OLFM2: variants seen among roughly 807,000 people sequenced by gnomAD.
OLFM2 encodes the protein noelin-2.
A neutral mutation model predicts 43.9 loss-of-function variants in OLFM2; 20 were observed. The ratio of observed to expected loss-of-function variants is 0.46; its 90% CI spans 0.32 to 0.66. OLFM2 has a LOEUF of 0.66. OLFM2 is among the 30% of genes least tolerant of loss of function. The probability of loss-of-function intolerance (pLI) is 0.04; values close to 1 mark genes in which losing one functional copy is unlikely to be tolerated. For synonymous variants in OLFM2, 268 were observed against 278.6 expected, an observed-to-expected ratio of 0.96 and a Z score of 0.38; for missense variants, 416 against 643.6, an observed-to-expected ratio of 0.65 and a Z score of 3.83.
chr19:9,922,733 CA>C (rs1294542339), intron 1 of OLFM2, among the ~76,000 whole-genome samples: 1 of 151,554 alleles, frequency 6.6e-6, no homozygotes, highest in East Asian at 1.9e-4. Flanking sequence ...GCCTAGGCAA[CA>C]GGGCAAAACC....
intron 1 of OLFM2, among the ~76,000 whole-genome samples, chr19:9,888,348 C>T (rs892551203): frequency 6.6e-6 from 1 of 151,496 alleles, no homozygotes; most frequent in Middle Eastern, 3.4e-3. Flanking sequence ...CATGGTGAAA[C>T]CCCCGTCTCT....
chr19:9,922,743 C>T (rs2086428563), intron 1 of OLFM2, among the ~76,000 whole-genome samples: 1 of 151,340 alleles, frequency 6.6e-6, no homozygotes. Flanking sequence ...CAGGGCAAAA[C>T]CCCGTCTCTA....
intron 1 of OLFM2, among the ~76,000 whole-genome samples, chr19:9,890,045 G>C (rs1266114533): frequency 6.6e-6 from 1 of 152,054 alleles, no homozygotes; most frequent in Non-Finnish European, 1.5e-5. Context: ...AGGGTCCCCA[G>C]TGGCGCTGGG....
At position 9,854,636 on chromosome 19, in the gene OLFM2, C is replaced by CGA. The variant is rs2046299152; in HGVS notation, c.914_915insTC (p.Gly306ArgfsTer71). The stretch of plus-strand genomic sequence containing the variant: ...GGAAGGTGTTGTTGTAACCGGCGCC[C>CGA]GGGAGGCTCCTCTGCACCAGCACAG... On this transcript the variant is annotated frameshift_variant, in exon 6 of 6. Coordinates refer to ENST00000264833, the MANE Select transcript of OLFM2 (RefSeq NM_058164.4). LOFTEE classifies it high-confidence loss of function. This position sits in a 1 kb window ranked among gnomAD's most constrained non-coding sequence, Gnocchi z 9.5. The CGA allele has an allele frequency of 6.2e-7, 1 of 1,614,000 alleles. No individual in the cohort carries two copies. Among genetic ancestry groups the CGA allele is most frequent in the Admixed American group, 1.7e-5 (1 of 60,008 alleles).
chr19:9,900,089 G>A (rs1164071719), intron 1 of OLFM2, among the ~76,000 whole-genome samples: 1 of 152,080 alleles, frequency 6.6e-6, no homozygotes. Context: ...CCAGCTATTG[G>A]GTTTTGTGAG....
intron 1 of OLFM2, among the ~76,000 whole-genome samples, chr19:9,909,473 C>A (rs538353833): frequency 3.9e-5 from 6 of 152,250 alleles, no homozygotes; most frequent in Non-Finnish European, 8.8e-5. Context: ...TTCCTCCCCA[C>A]GTCTTCCCAG....
intron 1 of OLFM2, among the ~76,000 whole-genome samples, chr19:9,882,822 A>C (rs981426068): frequency 1.3e-5 from 2 of 151,188 alleles, no homozygotes; most frequent in Non-Finnish European, 2.9e-5. Context: ...AGGTGGGAGG[A>C]TTGTTTGAGC....
chr19:9,873,096 A>T (rs1252966829), intron 1 of OLFM2, among the ~76,000 whole-genome samples: 1 of 152,208 alleles, frequency 6.6e-6, no homozygotes, highest in Admixed American at 6.5e-5. Flanking sequence ...AAATTCACAG[A>T]GCTGGGATTT....
intron 1 of OLFM2, among the ~76,000 whole-genome samples, chr19:9,933,382 G>A (rs2086495691): frequency 1.3e-5 from 2 of 151,508 alleles, no homozygotes; most frequent in Admixed American, 1.3e-4. Context: ...GACTACAGGT[G>A]TGCAACACCA....
In OLFM2 at chr19:9,888,593, C is replaced by CA. The variant is rs1344772594; in HGVS notation, c.64-27800dup. ...GAACTACAAGTGCCCCAGCACCCCCCATCCACTTCCCTACTCCATCTGCTT... is the reference window on the plus strand; with the variant it reads ...GAACTACAAGTGCCCCAGCACCCCCCAATCCACTTCCCTACTCCATCTGCTT... On this transcript the variant is annotated intron_variant, in intron 1 of 5. Transcript: ENST00000264833. Among the ~76,000 whole-genome samples the CA allele has an allele frequency of 3.3e-5, 5 of 152,020 alleles. No homozygotes were observed. The South Asian group carries it at 1.0e-3, about 32-fold the overall frequency.
intron 1 of OLFM2, among the ~76,000 whole-genome samples, chr19:9,870,703 CG>C (rs1203812247): frequency 6.6e-6 from 1 of 152,052 alleles, no homozygotes; most frequent in Admixed American, 6.6e-5. Context: ...TCCCCATCCC[CG>C]GGGCTCAAGC....
At chr19:9,927,384 C>T (rs2086460119) in intron 1 of OLFM2, among the ~76,000 whole-genome samples, 1 of 152,176 alleles carries the variant, frequency 6.6e-6, no homozygotes, top group Non-Finnish European at 1.5e-5. Context: ...GCTCACTTCC[C>T]TTCTCCTATC....
intron 1 of OLFM2, among the ~76,000 whole-genome samples, chr19:9,926,715 C>G (rs2086455701): frequency 6.6e-6 from 1 of 152,124 alleles, no homozygotes; most frequent in Non-Finnish European, 1.5e-5. Flanking sequence ...TGCAGTGGCT[C>G]ACGCCTGTAA....
At chr19:9,925,674 A>G (rs1009651234) in intron 1 of OLFM2, among the ~76,000 whole-genome samples, 1 of 151,586 alleles carries the variant, frequency 6.6e-6, no homozygotes, top group African/African-American at 2.4e-5. Context: ...GGCTCAAGCA[A>G]TCCACCCACC....
At chr19:9,883,487 AT>A (rs1403513613) in intron 1 of OLFM2, among the ~76,000 whole-genome samples, 1 of 152,002 alleles carries the variant, frequency 6.6e-6, no homozygotes, top group African/African-American at 2.4e-5. Context: ...TTAAAGGGAA[AT>A]CAATCCTGGC....
chr19:9,909,751 C>T (rs973356816), intron 1 of OLFM2, among the ~76,000 whole-genome samples: 3 of 152,194 alleles, frequency 2.0e-5, no homozygotes, highest in African/African-American at 7.2e-5. Context: ...TGCCTGGTCA[C>T]TTTCCATTTG....
intron 1 of OLFM2, among the ~76,000 whole-genome samples, chr19:9,931,632 C>G (rs2086482353): frequency 7.0e-6 from 1 of 142,982 alleles, no homozygotes; most frequent in East Asian, 2.0e-4. Context: ...GCCCGGGAGG[C>G]AGAGGTTGCA....
intron 1 of OLFM2, among the ~76,000 whole-genome samples, chr19:9,865,833 A>C (rs903540953): frequency 2.3e-4 from 35 of 149,406 alleles, no homozygotes; most frequent in Non-Finnish European, 3.9e-4. Flanking sequence ...AAAAAAAAAA[A>C]AACAAAGAAA....
intron 1 of OLFM2, among the ~76,000 whole-genome samples, chr19:9,917,753 G>A (rs575896742): frequency 7.8e-5 from 3 of 38,370 alleles, no homozygotes; most frequent in African/African-American, 3.5e-4. Context: ...TCTGAAACAC[G>A]TAGTTTGTTT....
Sources: gnomAD v4.1 joint callset for allele counts (sites outside exome capture counted in the v4.1 genomes callset) on GRCh38, gnomAD v4.1.1 for gene constraint, Gnocchi (gnomAD v3.1) non-coding constraint, MANE v1.5 for transcripts, NCBI Gene and HGNC (gene_info 2026-07-23, HGNC 2026-07-21) for gene names.